Variants in PSMA1 observed in about 807,000 individuals in gnomAD.
PSMA1 encodes the protein proteasome 20S subunit alpha 1.
In PSMA1, 3 loss-of-function variants were observed where a neutral mutation model predicts 38.4. The ratio of observed to expected loss-of-function variants is 0.08; its 90% CI spans 0.04 to 0.20. The LOEUF is 0.20. Ranked by LOEUF, PSMA1 falls within the 10% of genes least tolerant of loss-of-function variation. PSMA1 has a pLI of 1.00. For missense variants in PSMA1, 227 were observed against 325.3 expected, an observed-to-expected ratio of 0.70 and a Z score of 2.32; for synonymous variants, 101 against 107.1, an observed-to-expected ratio of 0.94 and a Z score of 0.35.
chr11:14,602,816 G>A (rs1173060935), intron 2 of PSMA1, among the ~76,000 whole-genome samples: 1 of 152,168 alleles, frequency 6.6e-6, no homozygotes, highest in African/African-American at 2.4e-5. Context: ...GTTTCTCATG[G>A]ATTAGGTGTG....
chr11:14,517,001 G>A (rs1851440789), intron 4 of PSMA1, among the ~76,000 whole-genome samples: 1 of 152,184 alleles, frequency 6.6e-6, no homozygotes, highest in South Asian at 2.1e-4. Context: ...TAGGTATTTA[G>A]CCAAATCTCA....
chr11:14,533,698 A>T (rs1167872412), intron 2 of PSMA1, among the ~76,000 whole-genome samples: 2 of 150,212 alleles, frequency 1.3e-5, no homozygotes, highest in Non-Finnish European at 3.0e-5. Context: ...GATTACAGGC[A>T]TGAGCCACTG....
rs186857015 is a variant in PSMA1, at chr11:14,509,825, G to A, written c.624+1047C>T. On this transcript the variant is annotated intron_variant, in intron 8 of 9. Transcript: ENST00000396394. Reference sequence around the variant, plus strand: ...TGCAAGCTCCACCTCCCAGGTTCACGCCATTCTCCTGCCTCAGCCTCCCGA... The same window carrying A: ...TGCAAGCTCCACCTCCCAGGTTCACACCATTCTCCTGCCTCAGCCTCCCGA... 7.7e-3 allele frequency among the ~76,000 whole-genome samples: 1,148 copies of A among 148,688 alleles called. 10 individuals carry two copies. The highest frequency in any genetic ancestry group is 0.027 in the African/African-American group (1,081 of 40,312).
rs1300352837 is a variant in PSMA1 at position 14,633,042 on chromosome 11, AT to A, written c.-166+10412del. On this transcript the variant is annotated intron_variant, in intron 1 of 10. Transcript: ENST00000418988. ...TTATTCTAGTTATACATTCTTCTAAATTTTTTTCAAAGTTTTCAACTTCTTT... is the reference window on the plus strand; with the variant it reads ...TTATTCTAGTTATACATTCTTCTAAATTTTTTCAAAGTTTTCAACTTCTTT... 1.1e-4 allele frequency among the ~76,000 whole-genome samples: 16 copies of A among 150,308 alleles called. No homozygotes were observed. The East Asian group carries it at 3.2e-3, about 30-fold the overall frequency.
At chr11:14,608,672 T>C (rs1219086184) in intron 2 of PSMA1, among the ~76,000 whole-genome samples, 1 of 147,770 alleles carries the variant, frequency 6.8e-6, no homozygotes, top group Non-Finnish European at 1.5e-5. Flanking sequence ...GTCTGTATTT[T>C]ATACATATAA....
intron 9 of PSMA1, among the ~76,000 whole-genome samples, chr11:14,505,983 C>G (rs1184346469): frequency 6.6e-6 from 1 of 152,096 alleles, no homozygotes; most frequent in African/African-American, 2.4e-5. Context: ...TGCACGCCAG[C>G]CTGGACAAGA....
chr11:14,610,477 C>T (rs1200473983), intron 2 of PSMA1, among the ~76,000 whole-genome samples: 1 of 152,158 alleles, frequency 6.6e-6, no homozygotes, highest in Non-Finnish European at 1.5e-5. Flanking sequence ...TCAGCAGAGA[C>T]GTGAATTAAA....
chr11:14,584,507 GTTTTT>G (rs58620375), intron 2 of PSMA1, among the ~76,000 whole-genome samples: 4 of 124,780 alleles, frequency 3.2e-5, no homozygotes, highest in African/African-American at 9.7e-5. Context: ...TTTGTTTTTT[GTTTTT>G]TTTTTTTTTT....
chr11:14,630,909 C>A (rs375200716), intron 1 of PSMA1, among the ~76,000 whole-genome samples: 53 of 152,034 alleles, frequency 3.5e-4, no homozygotes, highest in Admixed American at 2.4e-3. Context: ...TGTATGTGTC[C>A]AGGAATTTAT....
intron 1 of PSMA1, chr11:14,519,287 A>G (rs1429958581): frequency 2.0e-5 from 11 of 554,976 alleles, no homozygotes; most frequent in Non-Finnish European, 3.1e-5. Flanking sequence ...AACACCCTCC[A>G]TATCAACCCC....
chr11:14,578,254 C>A (rs1389752101), intron 2 of PSMA1, among the ~76,000 whole-genome samples: 1 of 152,174 alleles, frequency 6.6e-6, no homozygotes, highest in Non-Finnish European at 1.5e-5. Flanking sequence ...ATCTGGAGTT[C>A]TGGTCAAGTT....
At chr11:14,597,707 A>G (rs1285247933) in intron 2 of PSMA1, among the ~76,000 whole-genome samples, 1 of 152,022 alleles carries the variant, frequency 6.6e-6, no homozygotes, top group African/African-American at 2.4e-5. Flanking sequence ...CAGCCCCTAG[A>G]TTCATTGACT....
At chr11:14,562,694 G>C (rs1191460433) in intron 2 of PSMA1, among the ~76,000 whole-genome samples, 1 of 151,460 alleles carries the variant, frequency 6.6e-6, no homozygotes, top group Non-Finnish European at 1.5e-5. Context: ...GCATGATCAG[G>C]GCTCACTGAA....
At chr11:14,586,021 T>C (rs1852341515) in intron 2 of PSMA1, among the ~76,000 whole-genome samples, 1 of 152,200 alleles carries the variant, frequency 6.6e-6, no homozygotes, top group Non-Finnish European at 1.5e-5. Flanking sequence ...CCACCTGGAT[T>C]CTACCATTAG....
intron 1 of PSMA1, among the ~76,000 whole-genome samples, chr11:14,643,040 C>T (rs1301361169): frequency 2.0e-5 from 3 of 151,762 alleles, no homozygotes. Context: ...GACAAGGGTA[C>T]AAAATGGAAG....
At chr11:14,594,285 C>T (rs1042109028) in intron 2 of PSMA1, among the ~76,000 whole-genome samples, 7 of 152,112 alleles carry the variant, frequency 4.6e-5, no homozygotes, top group Non-Finnish European at 1.0e-4. Flanking sequence ...CCCTCATATC[C>T]CCTCCATATG....
intron 1 of PSMA1, among the ~76,000 whole-genome samples, chr11:14,630,698 T>A (rs1448931606): frequency 6.6e-6 from 1 of 151,808 alleles, no homozygotes; most frequent in Non-Finnish European, 1.5e-5. Context: ...TTAGGGAGGA[T>A]TCCCTCTTTT....
rs11023286 is a variant in PSMA1, at chr11:14,628,538, T to C, written c.-166+14917A>G. Among the ~76,000 whole-genome samples, 755 of 150,812 alleles carry C rather than the reference T, an allele frequency of 5.0e-3. 6 individuals are homozygous for C. The highest frequency in any genetic ancestry group is 8.3e-3 in the Non-Finnish European group (562 of 67,546). On this transcript the variant is annotated intron_variant, in intron 1 of 10. Coordinates refer to the PSMA1 transcript ENST00000418988. ...TGCATAGTATTCCATGGTGTATATG[T>C]GCCACATTTTCTTCATCCAGTCTAT...
chr11:14,623,962 T>C (rs1219802880), intron 1 of PSMA1, among the ~76,000 whole-genome samples: 2 of 152,340 alleles, frequency 1.3e-5, no homozygotes, highest in East Asian at 3.9e-4. Context: ...CTTTCCTGAT[T>C]GTAGTACCTT....
Sources: gnomAD v4.1 joint callset for allele counts (sites outside exome capture counted in the v4.1 genomes callset) on GRCh38, gnomAD v4.1.1 for gene constraint, MANE v1.5 for transcripts, NCBI Gene and HGNC (gene_info 2026-07-23, HGNC 2026-07-21) for gene names.